Variants in C12orf42 observed in about 807,000 individuals in gnomAD.
C12orf42 encodes the protein chromosome 12 open reading frame 42.
C12orf42 carries 25 observed loss-of-function variants against 21.6 expected under a neutral mutation model. The observed-to-expected ratio is 1.16, with a 90% CI of 0.84 to 1.62. The LOEUF is 1.62. C12orf42 is among the 40% of genes most tolerant of loss of function. The pLI, the probability that C12orf42 is intolerant of heterozygous loss-of-function variation, is 0.00. For synonymous variants in C12orf42, 174 were observed against 175.0 expected (o/e 0.99, Z 0.05); for missense variants, 483 against 459.3 (o/e 1.05, Z -0.47).
chr12:103,205,599 G>A, the C12orf42 span, among the ~76,000 whole-genome samples: 13 of 152,168 alleles, frequency 8.5e-5, no homozygotes, highest in South Asian at 2.1e-4. Context: ...ATATTAGCCC[G>A]TATCTCAGCA....
the C12orf42 span, among the ~76,000 whole-genome samples, chr12:103,217,864 C>A: frequency 6.6e-6 from 1 of 152,146 alleles, no homozygotes; most frequent in Non-Finnish European, 1.5e-5. Flanking sequence ...TCCCAGGGGT[C>A]CTTGCTAACA....
the C12orf42 span, among the ~76,000 whole-genome samples, chr12:103,222,843 C>T: frequency 1.3e-5 from 2 of 151,476 alleles, no homozygotes; most frequent in Non-Finnish European, 2.9e-5. Context: ...AATGATCTCA[C>T]CCTGTGTAGG....
the C12orf42 span, among the ~76,000 whole-genome samples, chr12:103,223,591 G>C: frequency 6.6e-6 from 1 of 152,162 alleles, no homozygotes; most frequent in Non-Finnish European, 1.5e-5. Context: ...TGGTGGCTTG[G>C]GAAAACAGTG....
chr12:103,508,276 C>T, the C12orf42 span, among the ~76,000 whole-genome samples: 23 of 152,202 alleles, frequency 1.5e-4, no homozygotes, highest in Middle Eastern at 3.4e-3. Flanking sequence ...GGTGGCCATA[C>T]GATCAGCAAA....
At chr12:103,555,299 G>T in the C12orf42 span, among the ~76,000 whole-genome samples, 1 of 152,170 alleles carries the variant, frequency 6.6e-6, no homozygotes, top group Non-Finnish European at 1.5e-5. Flanking sequence ...ATCTTACATG[G>T]ATGGCAGCAG....
At chr12:103,085,678 A>G in the C12orf42 span, among the ~76,000 whole-genome samples, 1 of 152,154 alleles carries the variant, frequency 6.6e-6, no homozygotes, top group South Asian at 2.1e-4. Flanking sequence ...TAACCGTGCC[A>G]TTCATTTACA....
chr12:103,144,779 G>A, the C12orf42 span, among the ~76,000 whole-genome samples: 1 of 152,108 alleles, frequency 6.6e-6, no homozygotes, highest in Non-Finnish European at 1.5e-5. Flanking sequence ...CACGGAAAAC[G>A]ACTTGGGCAA....
At chr12:103,321,758 C>T (rs1392702699) in intron 4 of C12orf42, among the ~76,000 whole-genome samples, 3 of 148,628 alleles carry the variant, frequency 2.0e-5, no homozygotes, top group Non-Finnish European at 4.5e-5. Flanking sequence ...AGTAAACTAT[C>T]GCAAGAACAA....
At chr12:103,134,171 A>T in the C12orf42 span, among the ~76,000 whole-genome samples, 10 of 152,198 alleles carry the variant, frequency 6.6e-5, no homozygotes, top group Admixed American at 3.3e-4. Context: ...CTGAGTGCCA[A>T]TATCAGTGTA....
At chr12:103,545,936 A>C in the C12orf42 span, among the ~76,000 whole-genome samples, 1 of 152,216 alleles carries the variant, frequency 6.6e-6, no homozygotes, top group Non-Finnish European at 1.5e-5. Flanking sequence ...CAGACTCTCC[A>C]TCTGGACAGA....
intron 2 of C12orf42, among the ~76,000 whole-genome samples, chr12:103,454,500 C>T (rs987948784): frequency 1.3e-5 from 2 of 152,010 alleles, no homozygotes; most frequent in Non-Finnish European, 2.9e-5. Flanking sequence ...TCCCTATTCC[C>T]ACCAGCCAAA....
At chr12:103,147,005 G>A in the C12orf42 span, among the ~76,000 whole-genome samples, 5 of 152,160 alleles carry the variant, frequency 3.3e-5, no homozygotes, top group Admixed American at 1.3e-4. Flanking sequence ...AGATAAAGCA[G>A]CAAGAAAAAT....
At chr12:103,261,470 C>A (rs1465157994) in intron 10 of C12orf42, among the ~76,000 whole-genome samples, 1 of 130,264 alleles carries the variant, frequency 7.7e-6, no homozygotes, top group Non-Finnish European at 1.6e-5. Context: ...GACAATGAGA[C>A]TCTTTCAAAA....
At chr12:103,324,301 GATA>G (rs1206434918) in intron 4 of C12orf42, among the ~76,000 whole-genome samples, 1 of 151,950 alleles carries the variant, frequency 6.6e-6, no homozygotes, top group African/African-American at 2.4e-5. Flanking sequence ...TAGAAGAAGA[GATA>G]ATAACTTATG....
chr12:103,331,590 G>C (rs1308673609), intron 4 of C12orf42, among the ~76,000 whole-genome samples: 3 of 152,218 alleles, frequency 2.0e-5, no homozygotes, highest in African/African-American at 7.2e-5. Context: ...AGCTGAAGGG[G>C]AACAGAGGAG....
rs1201236235 is a variant in C12orf42 at position 103,486,753 on chromosome 12, T to G, written c.-21-8306A>C. ...ATTTTCTAGCTTATTTGTGTAGAGG[T>G]GTTTACAGTATTATCTGATAGTAGT... On this transcript the variant is annotated intron_variant, in intron 1 of 5. Coordinates refer to ENST00000548883, the MANE Select transcript of C12orf42 (RefSeq NM_198521.5). Among the ~76,000 whole-genome samples the G allele has an allele frequency of 2.0e-5, 3 of 152,210 alleles. No homozygotes were observed. In the East Asian group the frequency reaches 5.8e-4, roughly 29 times the overall value.
chr12:103,506,127 A>C, the C12orf42 span: 2 of 190,238 alleles, frequency 1.1e-5, no homozygotes, highest in Non-Finnish European at 1.1e-5. Flanking sequence ...TATCATTATA[A>C]AGCTGATAGA....
At chr12:103,132,292 G>A in the C12orf42 span, among the ~76,000 whole-genome samples, 1 of 152,074 alleles carries the variant, frequency 6.6e-6, no homozygotes, top group Non-Finnish European at 1.5e-5. Flanking sequence ...TGAAGGAGAA[G>A]GAAGAGAGGC....
rs1478186611 is a variant in C12orf42, at chr12:103,302,481, G to C, written c.710C>G (p.Pro237Arg). The C allele has an allele frequency of 2.5e-6, 4 of 1,613,356 alleles. No individual in the cohort carries two copies. Among genetic ancestry groups the C allele is most frequent in the South Asian group, 1.1e-5 (1 of 91,068 alleles). Residue 237 changes from proline to arginine, a missense_variant, in exon 6 of 6, where the codon CCG becomes CGG. Transcript: ENST00000548883. ...CTCCGGCTCGAGCTCTGTGTTACTC[G>C]GGCCGGTGCTCTGCAGAGCGCCGGG... Reference protein sequence around the residue: ...QTPGALQSTGPSNTELEPEER... With the variant: ...QTPGALQSTGRSNTELEPEER...
Sources: gnomAD v4.1 joint callset for allele counts (sites outside exome capture counted in the v4.1 genomes callset) on GRCh38, gnomAD v4.1.1 for gene constraint, MANE v1.5 for transcripts, NCBI Gene and HGNC (gene_info 2026-07-23, HGNC 2026-07-21) for gene names.